The following CCNY variants were observed in gnomAD, a reference collection of about 807,000 sequenced individuals.
CCNY encodes cyclin-Y.
A neutral mutation model predicts 42.8 loss-of-function variants in CCNY; 19 were observed. The ratio of observed to expected loss-of-function variants is 0.44; its 90% CI spans 0.31 to 0.65. The LOEUF (loss-of-function observed/expected upper bound fraction) is 0.65, where lower values mean the gene tolerates loss of function less well. Ranked by LOEUF, CCNY falls within the 30% of genes least tolerant of loss-of-function variation. The pLI is 0.07. For synonymous variants in CCNY, 165 were observed against 162.7 expected (o/e 1.01, Z -0.11); for missense variants, 370 against 437.3 (o/e 0.85, Z 1.37).
At chr10:35,341,845 G>A (rs1354368706) in intron 1 of CCNY, among the ~76,000 whole-genome samples, 1 of 152,138 alleles carries the variant, frequency 6.6e-6, no homozygotes, top group Non-Finnish European at 1.5e-5. Flanking sequence ...AAGGAAACCT[G>A]GCTAATGGGA....
At chr10:35,509,970 C>T (rs1840292126) in intron 3 of CCNY, among the ~76,000 whole-genome samples, 1 of 152,178 alleles carries the variant, frequency 6.6e-6, no homozygotes, top group South Asian at 2.1e-4. Context: ...CCAGCCTCCC[C>T]TCCACTTCTG....
chr10:35,430,806 G>T (rs1013330256), intron 1 of CCNY, among the ~76,000 whole-genome samples: 47 of 152,090 alleles, frequency 3.1e-4, no homozygotes, highest in Admixed American at 3.0e-3. Flanking sequence ...TACGTATATA[G>T]AATTTTTAAA....
intron 3 of CCNY, among the ~76,000 whole-genome samples, chr10:35,507,404 A>G (rs774842995): frequency 2.0e-5 from 3 of 152,264 alleles, no homozygotes; most frequent in South Asian, 4.1e-4. Flanking sequence ...TTAAACCAAT[A>G]TTCTCTCACA....
rs1304500946 is a variant in CCNY at position 35,530,394 on chromosome 10, G to T, written c.579+151G>T. 2.2e-6 allele frequency: 2 copies of T among 901,056 alleles called. No homozygotes were observed. Among genetic ancestry groups the T allele is most frequent in the Admixed American group, 2.5e-5 (1 of 39,354 alleles). The allele number at this position is 901,056 out of a possible 1,614,324, so 55.8% of individuals were successfully genotyped here. ...TAAGCTTCAGTGTTGTCGTTCTCCT[G>T]GGAGAATAGAGGATAGATATCCCGG... On this transcript the variant is annotated intron_variant, in intron 7 of 9. Coordinates refer to ENST00000374704, the MANE Select transcript of CCNY (RefSeq NM_145012.6). This position sits in a 1 kb window ranked among gnomAD's most constrained non-coding sequence, Gnocchi z 4.3.
intron 1 of CCNY, among the ~76,000 whole-genome samples, chr10:35,374,963 G>C (rs939728979): frequency 3.3e-5 from 5 of 152,296 alleles, no homozygotes; most frequent in Admixed American, 6.5e-5. Flanking sequence ...CTGTAAGAAA[G>C]GAAGTTGACA....
intron 2 of CCNY, among the ~76,000 whole-genome samples, chr10:35,494,494 C>A (rs1255852343): frequency 2.0e-5 from 3 of 152,188 alleles, no homozygotes; most frequent in Non-Finnish European, 4.4e-5. Context: ...CAAATACAAT[C>A]ATAATCATCT....
chr10:35,295,862 A>G (rs917192373), intron 3 of CCNY, among the ~76,000 whole-genome samples: 1 of 152,184 alleles, frequency 6.6e-6, no homozygotes, highest in Non-Finnish European at 1.5e-5. Context: ...GTATATACAA[A>G]CTACATTTTG....
intron 3 of CCNY, among the ~76,000 whole-genome samples, chr10:35,325,891 C>T (rs758606900): frequency 3.9e-5 from 6 of 151,932 alleles, no homozygotes; most frequent in Non-Finnish European, 8.8e-5. Flanking sequence ...CCAGCCTGGG[C>T]AACATAGCAA....
At chr10:35,260,516 A>C (rs1018509673) in intron 3 of CCNY, among the ~76,000 whole-genome samples, 9 of 152,248 alleles carry the variant, frequency 5.9e-5, no homozygotes, top group African/African-American at 2.2e-4. Context: ...TGGCAAACTA[A>C]GATATGGGTT....
chr10:35,360,663 C>G (rs1836665179), intron 1 of CCNY, among the ~76,000 whole-genome samples: 1 of 152,024 alleles, frequency 6.6e-6, no homozygotes, highest in African/African-American at 2.4e-5. Context: ...GAAAAAATTA[C>G]CTGTAATCCT....
At chr10:35,252,593 T>A (rs80041641) in intron 3 of CCNY, among the ~76,000 whole-genome samples, 3,536 of 57,960 alleles carry the variant, frequency 0.061, 199 homozygotes, top group African/African-American at 0.094. Context: ...AAAAAAAAAA[T>A]GAGAATATCC....
chr10:35,466,139 G>A (rs1188547032), intron 1 of CCNY, among the ~76,000 whole-genome samples: 1 of 151,966 alleles, frequency 6.6e-6, no homozygotes, highest in Non-Finnish European at 1.5e-5. Flanking sequence ...GGGGTATGGG[G>A]GGCACACATT....
At chr10:35,328,796 G>C (rs1441770835) in intron 3 of CCNY, among the ~76,000 whole-genome samples, 1 of 152,126 alleles carries the variant, frequency 6.6e-6, no homozygotes, top group African/African-American at 2.4e-5. Flanking sequence ...GCTTTATTTT[G>C]GTCTACCACA....
intron 5 of CCNY, among the ~76,000 whole-genome samples, chr10:35,529,036 C>T (rs971838896): frequency 6.6e-6 from 1 of 152,158 alleles, no homozygotes; most frequent in African/African-American, 2.4e-5. Flanking sequence ...AGCTGTCACT[C>T]GTGAGGTACG....
At chr10:35,489,104 T>C (rs1025703428) in intron 2 of CCNY, among the ~76,000 whole-genome samples, 1 of 152,136 alleles carries the variant, frequency 6.6e-6, no homozygotes, top group Non-Finnish European at 1.5e-5. Flanking sequence ...AGTGAAACCC[T>C]GTCTCTACCA....
intron 7 of CCNY, among the ~76,000 whole-genome samples, chr10:35,544,854 G>A (rs1205442097): frequency 1.3e-5 from 2 of 152,192 alleles, no homozygotes; most frequent in African/African-American, 4.8e-5. Flanking sequence ...CAGGCTTGCT[G>A]TGTTCACTCT....
rs183060535 is a variant in CCNY, at chr10:35,288,766, C to G, written c.-9+38140C>G. On this transcript the variant is annotated intron_variant, in intron 3 of 11. Transcript: ENST00000374706. ...CTCTCCATTCAGTTTTACCTTTAAT[C>G]TCTGTTGGAAATCAATTGGCCAAAT... 3.0e-3 allele frequency among the ~76,000 whole-genome samples: 461 copies of G among 152,266 alleles called. 3 individuals carry two copies. Among genetic ancestry groups the G allele is most frequent in the African/African-American group, 0.011 (446 of 41,560 alleles).
chr10:35,538,692 T>C (rs1840936683), intron 7 of CCNY, among the ~76,000 whole-genome samples: 2 of 152,250 alleles, frequency 1.3e-5, no homozygotes, highest in South Asian at 4.1e-4. Context: ...GTTCTTTATA[T>C]GTTCTGGATA....
intron 1 of CCNY, among the ~76,000 whole-genome samples, chr10:35,472,233 A>C (rs1427191081): frequency 1.3e-5 from 2 of 152,228 alleles, no homozygotes; most frequent in African/African-American, 2.4e-5. Flanking sequence ...GTAGATAAGG[A>C]AAATGAGATC....
Sources: allele counts gnomAD v4.1 joint callset (sites outside exome capture counted in the v4.1 genomes callset), GRCh38; gene constraint gnomAD v4.1.1; non-coding constraint Gnocchi (gnomAD v3.1); transcripts MANE v1.5; gene names NCBI Gene and HGNC (gene_info 2026-07-23, HGNC 2026-07-21).